The following KATNA1 variants were observed in gnomAD, a reference collection of about 807,000 sequenced individuals.
KATNA1 encodes the protein katanin catalytic subunit A1.
A neutral mutation model predicts 62.6 loss-of-function variants in KATNA1; 42 were observed. That is an observed-to-expected ratio of 0.67 (90% CI 0.52 to 0.87). The LOEUF (loss-of-function observed/expected upper bound fraction) is 0.87, where lower values mean the gene tolerates loss of function less well. Ranked by LOEUF, KATNA1 falls within the 40% of genes least tolerant of loss-of-function variation. KATNA1 has a pLI of 0.00. For missense variants in KATNA1, 498 were observed against 612.5 expected, an observed-to-expected ratio of 0.81 and a Z score of 1.97; for synonymous variants, 186 against 201.9, an observed-to-expected ratio of 0.92 and a Z score of 0.67.
chr6:149,625,891 G>A (rs181569442), intron 3 of KATNA1, among the ~76,000 whole-genome samples: 42 of 149,482 alleles, frequency 2.8e-4, no homozygotes, highest in Admixed American at 6.0e-4. Context: ...CCGAGCTCAC[G>A]CCACTGCACT....
At chr6:149,602,909 C>T (rs959911368) in intron 6 of KATNA1, among the ~76,000 whole-genome samples, 4 of 151,498 alleles carry the variant, frequency 2.6e-5, no homozygotes, top group African/African-American at 4.8e-5. Context: ...TTAGTAGAGA[C>T]GGGGTTTCTC....
At chr6:149,624,399 C>T (rs1332302975) in intron 3 of KATNA1, among the ~76,000 whole-genome samples, 2 of 151,998 alleles carry the variant, frequency 1.3e-5, no homozygotes, top group African/African-American at 4.8e-5. Flanking sequence ...CCTCATTTCA[C>T]CTTTATGTAT....
intron 10 of KATNA1, among the ~76,000 whole-genome samples, chr6:149,595,677 A>C (rs902132563): frequency 1.3e-5 from 2 of 152,170 alleles, no homozygotes; most frequent in African/African-American, 4.8e-5. Flanking sequence ...AAAAAAACAA[A>C]ACTTCAGATT....
intron 2 of KATNA1, among the ~76,000 whole-genome samples, chr6:149,636,387 C>T (rs1175219374): frequency 6.6e-6 from 1 of 151,796 alleles, no homozygotes; most frequent in Non-Finnish European, 1.5e-5. Flanking sequence ...GCCTGAACAA[C>T]ATAGTGAGAT....
At chr6:149,637,286 C>T (rs1780097849) in intron 2 of KATNA1, among the ~76,000 whole-genome samples, 1 of 151,916 alleles carries the variant, frequency 6.6e-6, no homozygotes, top group South Asian at 2.1e-4. Context: ...GTGGGGAACA[C>T]CTGTGGTTCC....
intron 1 of KATNA1, among the ~76,000 whole-genome samples, chr6:149,645,287 C>CA (rs1207556642): frequency 6.6e-6 from 1 of 151,680 alleles, no homozygotes; most frequent in African/African-American, 2.4e-5. Flanking sequence ...ACTAAAAATA[C>CA]AAAAAATTAG....
intron 4 of KATNA1, among the ~76,000 whole-genome samples, chr6:149,608,124 C>A (rs554657883): frequency 4.4e-4 from 67 of 152,224 alleles, no homozygotes; most frequent in Non-Finnish European, 8.8e-4. Context: ...AATACAAAAC[C>A]CATTACCTCA....
At chr6:149,642,885 G>T (rs1346402870) in intron 1 of KATNA1, among the ~76,000 whole-genome samples, 1 of 152,030 alleles carries the variant, frequency 6.6e-6, no homozygotes, top group Admixed American at 6.6e-5. Context: ...CAAAAGAAGG[G>T]CCTTATATCC....
intron 1 of KATNA1, among the ~76,000 whole-genome samples, chr6:149,647,148 G>GT (rs938604241): frequency 6.5e-4 from 94 of 145,034 alleles, no homozygotes; most frequent in Middle Eastern, 3.6e-3. Context: ...ACTACTGCGT[G>GT]TTTTTTTTTT....
chr6:149,633,400 C>T lies in KATNA1; in HGVS notation c.163-484G>A, dbSNP rs146196332. ...GGGATTACAGGCGTGAGCCACTGCG[C>T]TCGGCCCTCAATTGCAAAATTAATT... On this transcript the variant is annotated intron_variant, in intron 2 of 10. Transcript: ENST00000367411. Among the ~76,000 whole-genome samples the T allele has an allele frequency of 4.2e-3, 642 of 152,208 alleles. 5 individuals are homozygous for T. Among genetic ancestry groups the T allele is most frequent in the African/African-American group, 0.015 (611 of 41,528 alleles).
intron 1 of KATNA1, among the ~76,000 whole-genome samples, chr6:149,647,290 T>C (rs1780523226): frequency 6.6e-6 from 1 of 151,786 alleles, no homozygotes; most frequent in Non-Finnish European, 1.5e-5. Flanking sequence ...TTGGGAGGCC[T>C]AGGCGGGCGG....
In KATNA1 at chr6:149,635,703, C is replaced by A. The variant is rs188778086; in HGVS notation, c.162+2683G>T. Reference sequence around the variant, plus strand: ...CAGCCTGGGCAACAGAGTGAGACTCCGTCTCAAAACAAACAAACAAACAAA... The same window carrying A: ...CAGCCTGGGCAACAGAGTGAGACTCAGTCTCAAAACAAACAAACAAACAAA... On this transcript the variant is annotated intron_variant, in intron 2 of 10. Coordinates refer to ENST00000367411, the MANE Select transcript of KATNA1 (RefSeq NM_007044.4). Among the ~76,000 whole-genome samples, 29 of 151,462 alleles carry A rather than the reference C, an allele frequency of 1.9e-4. No homozygotes were observed. In the Admixed American group the frequency reaches 1.9e-3, roughly 10 times the overall value.
intron 3 of KATNA1, among the ~76,000 whole-genome samples, chr6:149,629,036 G>A (rs1375688605): frequency 6.6e-6 from 1 of 152,074 alleles, no homozygotes; most frequent in Non-Finnish European, 1.5e-5. Flanking sequence ...ACAGAAGAAA[G>A]CGAGAAGCAA....
chr6:149,634,856 C>T (rs572259837), intron 2 of KATNA1, among the ~76,000 whole-genome samples: 9 of 151,926 alleles, frequency 5.9e-5, no homozygotes, highest in African/African-American at 2.2e-4. Context: ...TCAGAATATA[C>T]TAATTTTATG....
chr6:149,612,905 C>T (rs1318720406), intron 4 of KATNA1, among the ~76,000 whole-genome samples: 1 of 151,990 alleles, frequency 6.6e-6, no homozygotes, highest in African/African-American at 2.4e-5. Context: ...AACTGAATAC[C>T]TATCCAGGAC....
intron 5 of KATNA1, among the ~76,000 whole-genome samples, chr6:149,603,959 T>G (rs1427326309): frequency 2.0e-5 from 3 of 152,248 alleles, no homozygotes; most frequent in African/African-American, 7.2e-5. Context: ...CCCAATATTT[T>G]TTAATATCAT....
intron 3 of KATNA1, among the ~76,000 whole-genome samples, chr6:149,629,517 C>T (rs1779753940): frequency 1.3e-5 from 2 of 151,938 alleles, no homozygotes; most frequent in South Asian, 4.2e-4. Flanking sequence ...ATTGTGGTAG[C>T]CCAAGCAGAC....
chr6:149,598,857 T>C (rs1450876127), intron 7 of KATNA1, among the ~76,000 whole-genome samples: 1 of 151,888 alleles, frequency 6.6e-6, no homozygotes, highest in African/African-American at 2.4e-5. Flanking sequence ...TAATGAACCG[T>C]TTTTTATTTA....
rs117934390 is a variant in KATNA1, at chr6:149,600,997, A to G, written c.888+597T>C. Among the ~76,000 whole-genome samples, 98 of 152,334 alleles carry G rather than the reference A, an allele frequency of 6.4e-4. 2 individuals carry two copies. The East Asian group carries it at 0.018, about 27-fold the overall frequency. ...TAGCATAACTCTATCCTAATTACATAAAACTACTCTGTTTCTTAGAGGCAA... is the reference window on the plus strand; with the variant it reads ...TAGCATAACTCTATCCTAATTACATGAAACTACTCTGTTTCTTAGAGGCAA... On this transcript the variant is annotated intron_variant, in intron 7 of 10. Transcript: ENST00000367411.
Sources: allele counts gnomAD v4.1 joint callset (sites outside exome capture counted in the v4.1 genomes callset), GRCh38; gene constraint gnomAD v4.1.1; transcripts MANE v1.5; gene names NCBI Gene and HGNC (gene_info 2026-07-23, HGNC 2026-07-21).